HECTD4: variants seen among roughly 807,000 people sequenced by gnomAD.
HECTD4 encodes the protein probable E3 ubiquitin-protein ligase HECTD4.
HECTD4 carries 114 observed loss-of-function variants against 471.5 expected under a neutral mutation model. The ratio of observed to expected loss-of-function variants is 0.24; its 90% CI spans 0.21 to 0.28. The LOEUF (loss-of-function observed/expected upper bound fraction) is 0.28. Ranked by LOEUF, HECTD4 falls within the 10% of genes least tolerant of loss-of-function variation. HECTD4 has a pLI of 1.00. For missense variants in HECTD4, 3,866 were observed against 5,651.5 expected, an observed-to-expected ratio of 0.68 and a Z score of 10.13; for synonymous variants, 2,012 against 2,256.0, an observed-to-expected ratio of 0.89 and a Z score of 3.07.
In HECTD4 at chr12:112,162,801, TAA is replaced by T; in HGVS notation, c.13120+239_13120+240del. Reference sequence around the variant, plus strand: ...TTTTTTTTAACCATTTTTCTGCATTTAAAAGTTAGAAGATTTGAAGCATTCTG... The same window carrying T: ...TTTTTTTTAACCATTTTTCTGCATTTAAGTTAGAAGATTTGAAGCATTCTG... On this transcript the variant is annotated intron_variant, in intron 75 of 75. Transcript: ENST00000682272. This position sits in a 1 kb window ranked among gnomAD's most constrained non-coding sequence, Gnocchi z 5.2. 1.8e-6 allele frequency: 1 copy of T among 559,054 alleles called. No homozygotes were observed. The highest frequency in any genetic ancestry group is 3.1e-6 in the Non-Finnish European group (1 of 319,786). The allele number at this position is 559,054 out of a possible 1,614,324, so 34.6% of individuals were successfully genotyped here. A position where few individuals can be genotyped will look rare whatever the true frequency, so the allele number is the denominator to read the frequency against.
chr12:112,370,321 G>T (rs1193523629), intron 1 of HECTD4, among the ~76,000 whole-genome samples: 1 of 152,172 alleles, frequency 6.6e-6, no homozygotes, highest in Non-Finnish European at 1.5e-5. Context: ...TCAAACTTTT[G>T]ACTTCCAAAA....
At position 112,243,182 on chromosome 12, in the gene HECTD4, C is replaced by T. The variant is rs114737127; in HGVS notation, c.4958+171G>A. Among the ~76,000 whole-genome samples the T allele has an allele frequency of 3.7e-3, 556 of 152,208 alleles. 1 individual carries two copies. The highest frequency in any genetic ancestry group is 0.013 in the African/African-American group (530 of 41,530). On this transcript the variant is annotated intron_variant, in intron 32 of 75. Transcript: ENST00000682272. This position sits in a 1 kb window ranked among gnomAD's most constrained non-coding sequence, Gnocchi z 6.6. ...AAGAAGGTGAATACTGAGAGTTTTACGTTCTATTAATATGTTGAGTTTTTT... is the reference window on the plus strand; with the variant it reads ...AAGAAGGTGAATACTGAGAGTTTTATGTTCTATTAATATGTTGAGTTTTTT...
intron 55 of HECTD4, among the ~76,000 whole-genome samples, chr12:112,195,434 G>C (rs576197418): frequency 2.0e-5 from 3 of 152,280 alleles, no homozygotes; most frequent in Admixed American, 2.0e-4. Flanking sequence ...CCATCAAACA[G>C]ATCAAAGACT....
In HECTD4 at chr12:112,195,042, C is replaced by T. The variant is rs201148605; in HGVS notation, c.8592G>A (p.Ala2864=). The change falls in exon 56 of 76, where the codon GCG becomes GCA. Residue 2864 remains alanine (A), a synonymous_variant. Transcript: ENST00000682272. ...CCATGCGGCAGTACAGCCTGGCCAGCGCAGCCTCGCAGCGCAGCAGCTCCC... is the reference window on the plus strand; with the variant it reads ...CCATGCGGCAGTACAGCCTGGCCAGTGCAGCCTCGCAGCGCAGCAGCTCCC... ...IHRELLRCEA[A]LARLYCRMAL... is the part of the protein sequence containing the mutation. The T allele has an allele frequency of 3.0e-5, 48 of 1,603,522 alleles. No homozygotes were observed. Among genetic ancestry groups the T allele is most frequent in the African/African-American group, 5.4e-5 (4 of 74,746 alleles).
intron 52 of HECTD4, among the ~76,000 whole-genome samples, chr12:112,206,372 G>A (rs1369611098): frequency 6.6e-6 from 1 of 152,100 alleles, no homozygotes; most frequent in African/African-American, 2.4e-5. Flanking sequence ...GTGAGTGCCT[G>A]TAGTCCCAGG....
chr12:112,265,115 T>C (rs539537670), intron 16 of HECTD4, 60 bp downstream of exon 16: 143 of 1,483,778 alleles, frequency 9.6e-5, no homozygotes, highest in Non-Finnish European at 1.3e-4. Flanking sequence ...GTCAATATAA[T>C]AAAATGAAAA....
At chr12:112,330,889 C>T (rs1012919085) in intron 1 of HECTD4, among the ~76,000 whole-genome samples, 2 of 152,114 alleles carry the variant, frequency 1.3e-5, no homozygotes, top group South Asian at 4.1e-4. Context: ...GAAGAAAATA[C>T]ATGTGGTGAG....
In HECTD4 at chr12:112,161,405, C is replaced by T. The variant is rs2030684139; in HGVS notation, c.*982G>A. On this transcript the variant is annotated 3_prime_UTR_variant, in exon 76 of 76. Coordinates refer to ENST00000682272, the MANE Select transcript of HECTD4 (RefSeq NM_001388303.1). ...GAGTGTCTGGGTCACTAAAGCAGAC[C>T]CCAAATTGAGCAGAGCACCTCAGTC... The T allele has an allele frequency of 6.6e-6, 1 of 152,198 alleles. No homozygotes were observed. Among genetic ancestry groups the T allele is most frequent in the East Asian group, 1.9e-4 (1 of 5,192 alleles). 9.4% of individuals were successfully genotyped at this position (152,198 alleles called of 1,614,324 possible).
intron 1 of HECTD4, among the ~76,000 whole-genome samples, chr12:112,366,961 C>T (rs1209728436): frequency 6.7e-6 from 1 of 148,198 alleles, no homozygotes; most frequent in Non-Finnish European, 1.5e-5. Context: ...CATGTGGGTA[C>T]ACTGCCAATA....
chr12:112,165,474 C>T (rs922426744), intron 72 of HECTD4, among the ~76,000 whole-genome samples: 7 of 151,646 alleles, frequency 4.6e-5, no homozygotes, highest in Non-Finnish European at 1.0e-4. Flanking sequence ...GCCTCAGCCT[C>T]CCAAGTAGCT....
intron 18 of HECTD4, 64 bp from the exon 19 acceptor site, chr12:112,259,329 T>A (rs537942679): frequency 6.9e-5 from 106 of 1,543,670 alleles, no homozygotes; most frequent in Non-Finnish European, 1.2e-5. Flanking sequence ...GAAGCACTAA[T>A]GTCATCTTTA....
At chr12:112,215,426 G>C (rs2032891150) in intron 48 of HECTD4, among the ~76,000 whole-genome samples, 1 of 152,196 alleles carries the variant, frequency 6.6e-6, no homozygotes, top group African/African-American at 2.4e-5. Context: ...TCGAATGTCA[G>C]CAGGACAGTT....
At chr12:112,367,153 T>G (rs959103078) in intron 1 of HECTD4, among the ~76,000 whole-genome samples, 1 of 150,808 alleles carries the variant, frequency 6.6e-6, no homozygotes, top group Admixed American at 6.6e-5. Context: ...AATACAAAAA[T>G]TAGCCAGGTG....
intron 7 of HECTD4, among the ~76,000 whole-genome samples, chr12:112,291,736 G>A (rs1276764857): frequency 1.3e-5 from 2 of 152,148 alleles, no homozygotes; most frequent in Non-Finnish European, 2.9e-5. Flanking sequence ...GCCAGGCGTG[G>A]TGGTGGGCCC....
rs1380316430 is a variant in HECTD4 at position 112,170,326 on chromosome 12, A to C, written c.12052+7T>G. On this transcript the variant is annotated splice_region_variant and intron_variant, in intron 69 of 75. Transcript: ENST00000682272. ...TTGCATTTTTTGCTCTCCGCAGCCAACCCCACCTCCCACAATTTCCAGTGG... is the reference window on the plus strand; with the variant it reads ...TTGCATTTTTTGCTCTCCGCAGCCACCCCCACCTCCCACAATTTCCAGTGG... 6.2e-7 allele frequency: 1 copy of C among 1,613,464 alleles called. No homozygotes were observed. The highest frequency in any genetic ancestry group is 1.7e-5 in the Admixed American group (1 of 59,958).
chr12:112,218,961 C>T (rs1229931971), intron 45 of HECTD4, among the ~76,000 whole-genome samples: 3 of 152,064 alleles, frequency 2.0e-5, no homozygotes, highest in Non-Finnish European at 2.9e-5. Flanking sequence ...CTCAAACTTC[C>T]GGCCTCATGT....
chr12:112,273,813 T>C lies in HECTD4; in HGVS notation c.1802-18A>G, dbSNP rs752119482. On this transcript the variant is annotated intron_variant, in intron 10 of 75. Coordinates refer to ENST00000682272, the MANE Select transcript of HECTD4 (RefSeq NM_001388303.1). ...ACACGCTCCTGCAAAAAGAGCATAC[T>C]GTATTCAGTCACCATGCCACCAGCT... is the stretch of plus-strand genomic sequence containing the variant. 6.2e-7 allele frequency: 1 copy of C among 1,612,618 alleles called. No individual in the cohort carries two copies. Among genetic ancestry groups the C allele is most frequent in the Admixed American group, 1.7e-5 (1 of 59,990 alleles).
At chr12:112,195,669 T>C (rs2135526303) in intron 55 of HECTD4, among the ~76,000 whole-genome samples, 1 of 152,264 alleles carries the variant, frequency 6.6e-6, no homozygotes, top group Non-Finnish European at 1.5e-5. Flanking sequence ...TGTTCTAAAA[T>C]TGATTGTGGT....
chr12:112,362,924 A>G (rs1594075847), intron 1 of HECTD4, among the ~76,000 whole-genome samples: 1 of 152,136 alleles, frequency 6.6e-6, no homozygotes, highest in Non-Finnish European at 1.5e-5. Flanking sequence ...CTGGTCTCGA[A>G]TTCCCGACCT....
Sources: allele counts gnomAD v4.1 joint callset (sites outside exome capture counted in the v4.1 genomes callset), GRCh38; gene constraint gnomAD v4.1.1; non-coding constraint Gnocchi (gnomAD v3.1); transcripts MANE v1.5; gene names NCBI Gene and HGNC (gene_info 2026-07-23, HGNC 2026-07-21).